The following PGS1 variants were observed in gnomAD, a reference collection of about 807,000 sequenced individuals.
The protein encoded by PGS1 is CDP-diacylglycerol--glycerol-3-phosphate 3-phosphatidyltransferase, mitochondrial.
Under a neutral mutation model 58.3 loss-of-function variants are expected in PGS1, and 44 were observed. That is an observed-to-expected ratio of 0.75 (90% CI 0.59 to 0.97). The LOEUF (loss-of-function observed/expected upper bound fraction) is 0.97, where lower values mean the gene tolerates loss of function less well. PGS1 is among the 50% of genes least tolerant of loss of function. PGS1 has a pLI of 0.00. For missense variants in PGS1, 684 were observed against 731.1 expected (o/e 0.94, Z 0.74); for synonymous variants, 330 against 311.0 (o/e 1.06, Z -0.64).
At chr17:78,410,901 G>A (rs1169665966) in intron 7 of PGS1, among the ~76,000 whole-genome samples, 1 of 152,190 alleles carries the variant, frequency 6.6e-6, no homozygotes, top group Non-Finnish European at 1.5e-5. Flanking sequence ...GGGACATTGG[G>A]AATGGGTCAC....
chr17:78,406,434 T>C (rs2084151351), intron 7 of PGS1, among the ~76,000 whole-genome samples: 1 of 152,256 alleles, frequency 6.6e-6, no homozygotes, highest in Non-Finnish European at 1.5e-5. Flanking sequence ...ATGCCTAGCC[T>C]AGCCTTAAGA....
chr17:78,415,082 AGGCTCACCCGTGCTGTGG>A, intron 8 of PGS1, 55 bp downstream of exon 8: 1 of 1,592,584 alleles, frequency 6.3e-7, no homozygotes, highest in South Asian at 1.1e-5. Context: ...CTGGGGGCCC[AGGCTCACCCGTGCTGTGG>A]GGCTGCCCTG....
intron 1 of PGS1, among the ~76,000 whole-genome samples, chr17:78,379,481 T>C (rs2081879329): frequency 6.6e-6 from 1 of 152,094 alleles, no homozygotes; most frequent in Admixed American, 6.6e-5. Flanking sequence ...AAAATAAACA[T>C]TTGCCAAGAA....
chr17:78,387,122 G>A (rs1213198279), intron 1 of PGS1, among the ~76,000 whole-genome samples: 2 of 152,198 alleles, frequency 1.3e-5, no homozygotes, highest in African/African-American at 4.8e-5. Context: ...TCCTGACTCA[G>A]CCTCCCGAGT....
intron 5 of PGS1, 42 bp downstream of exon 5, chr17:78,399,579 G>A: frequency 6.3e-7 from 1 of 1,580,860 alleles, no homozygotes; most frequent in Admixed American, 1.7e-5. Context: ...CTCCTGCTCT[G>A]CAGGCTGGAG....
chr17:78,384,877 C>T (rs1408328026), intron 1 of PGS1, among the ~76,000 whole-genome samples: 2 of 152,214 alleles, frequency 1.3e-5, no homozygotes, highest in African/African-American at 2.4e-5. Flanking sequence ...GTGGAAGGGA[C>T]GTCTAAAGGT....
chr17:78,397,815 C>A (rs7212201), intron 3 of PGS1, among the ~76,000 whole-genome samples: 92,873 of 152,106 alleles, frequency 0.61, 28,468 homozygotes, highest in Admixed American at 0.65. Context: ...ATGGAATGTC[C>A]GCACTGCGGA....
At chr17:78,423,683 T>G (rs2146385523) in intron 9 of PGS1, 1 of 559,420 alleles carries the variant, frequency 1.8e-6, no homozygotes, top group African/African-American at 1.9e-5. Flanking sequence ...AGGCACAGAA[T>G]GGATGGGCAC....
chr17:78,379,860 GTTTTC>G (rs761625521), intron 1 of PGS1, among the ~76,000 whole-genome samples: 18 of 150,014 alleles, frequency 1.2e-4, no homozygotes, highest in South Asian at 4.2e-4. Context: ...TGTGCAAATA[GTTTTC>G]TTTTCTTTTC....
intron 1 of PGS1, among the ~76,000 whole-genome samples, chr17:78,388,836 A>G (rs1330172997): frequency 6.6e-6 from 1 of 151,986 alleles, no homozygotes; most frequent in Non-Finnish European, 1.5e-5. Flanking sequence ...CATTGATTTA[A>G]TTTTAGCATC....
intron 7 of PGS1, among the ~76,000 whole-genome samples, chr17:78,407,020 G>A (rs747760871): frequency 4.3e-4 from 65 of 152,346 alleles, no homozygotes; most frequent in South Asian, 4.1e-4. Context: ...CCTTTTCCCG[G>A]ACTGATGTGC....
intron 8 of PGS1, among the ~76,000 whole-genome samples, chr17:78,416,306 T>C (rs2085183772): frequency 6.6e-6 from 1 of 152,218 alleles, no homozygotes; most frequent in African/African-American, 2.4e-5. Flanking sequence ...GGAGCCAGGC[T>C]AGTGGGAAAG....
chr17:78,390,324 G>GT (rs1491553737), intron 1 of PGS1, among the ~76,000 whole-genome samples: 9 of 98,324 alleles, frequency 9.2e-5, no homozygotes, highest in African/African-American at 3.0e-4. Flanking sequence ...AGAGACGGGG[G>GT]TGGGGGAGGA....
chr17:78,411,905 T>C (rs1348119526), intron 7 of PGS1, among the ~76,000 whole-genome samples: 51 of 106,704 alleles, frequency 4.8e-4, no homozygotes, highest in Admixed American at 9.0e-5. Flanking sequence ...GCTCCTGCTT[T>C]TTTTTTTTTT....
At chr17:78,389,467 G>A (rs1567946009) in intron 1 of PGS1, among the ~76,000 whole-genome samples, 1 of 151,968 alleles carries the variant, frequency 6.6e-6, no homozygotes, top group African/African-American at 2.4e-5. Context: ...TTACAAGCAT[G>A]AGCCACCATG....
intron 9 of PGS1, among the ~76,000 whole-genome samples, chr17:78,422,850 C>T (rs1484855983): frequency 6.6e-6 from 1 of 152,104 alleles, no homozygotes; most frequent in East Asian, 1.9e-4. Flanking sequence ...AATCCTGGCG[C>T]TTTGGGAGGC....
chr17:78,397,592 C>CCCG (rs1555631822), intron 3 of PGS1, among the ~76,000 whole-genome samples: 3 of 130,290 alleles, frequency 2.3e-5, no homozygotes, highest in Admixed American at 1.6e-4. Context: ...ATGCGCCACC[C>CCCG]CCCCAGCTAA....
intron 2 of PGS1, among the ~76,000 whole-genome samples, chr17:78,394,729 A>G (rs1465785965): frequency 1.3e-5 from 2 of 151,576 alleles, no homozygotes; most frequent in African/African-American, 4.9e-5. Flanking sequence ...CTAATTTTAT[A>G]TTTTTAGTAG....
At chr17:78,406,621 A>G (rs1306330048) in intron 7 of PGS1, among the ~76,000 whole-genome samples, 2 of 152,254 alleles carry the variant, frequency 1.3e-5, no homozygotes, top group African/African-American at 2.4e-5. Context: ...GCTGGTGGTC[A>G]GTGTCTCAGG....
Sources: allele counts gnomAD v4.1 joint callset (sites outside exome capture counted in the v4.1 genomes callset), GRCh38; gene constraint gnomAD v4.1.1; transcripts MANE v1.5; gene names NCBI Gene and HGNC (gene_info 2026-07-23, HGNC 2026-07-21).